Variants in MAP3K1 observed in about 807,000 individuals in gnomAD.
MAP3K1 encodes MAP/ERK kinase kinase 1.
A neutral mutation model predicts 144.2 loss-of-function variants in MAP3K1; 36 were observed. That is an observed-to-expected ratio of 0.25 (90% CI 0.19 to 0.33). MAP3K1 has a LOEUF of 0.33. Ranked by LOEUF, MAP3K1 falls within the 10% of genes least tolerant of loss-of-function variation. The pLI, the probability that MAP3K1 is intolerant of heterozygous loss-of-function variation, is 1.00. For synonymous variants in MAP3K1, 718 were observed against 688.7 expected (o/e 1.04, Z -0.67); for missense variants, 1,650 against 1,881.9 (o/e 0.88, Z 2.28).
intron 1 of MAP3K1, among the ~76,000 whole-genome samples, chr5:56,828,548 G>A (rs1358496878): frequency 6.6e-6 from 1 of 152,108 alleles, no homozygotes; most frequent in African/African-American, 2.4e-5. Flanking sequence ...TTAGAAAAAA[G>A]AAATCATGTT....
chr5:56,835,476 A>G (rs1746625047), intron 1 of MAP3K1, among the ~76,000 whole-genome samples: 1 of 151,862 alleles, frequency 6.6e-6, no homozygotes, highest in African/African-American at 2.4e-5. Context: ...GAAGGTAGGA[A>G]GAGGACTTTT....
intron 1 of MAP3K1, among the ~76,000 whole-genome samples, chr5:56,834,205 A>T (rs1313792143): frequency 6.6e-6 from 1 of 152,186 alleles, no homozygotes; most frequent in African/African-American, 2.4e-5. Context: ...AAACACTGTC[A>T]CTTTAGCTCA....
At chr5:56,850,066 T>C (rs1195881166) in intron 1 of MAP3K1, among the ~76,000 whole-genome samples, 5 of 152,214 alleles carry the variant, frequency 3.3e-5, no homozygotes, top group Admixed American at 3.3e-4. Context: ...TCTGTTTCAT[T>C]ATGCTCTCCC....
chr5:56,874,373 G>A (rs965521488), intron 9 of MAP3K1, among the ~76,000 whole-genome samples: 4 of 152,094 alleles, frequency 2.6e-5, no homozygotes, highest in Admixed American at 1.3e-4. Flanking sequence ...TGGTATTGAC[G>A]ACGATAACAG....
chr5:56,895,586 A>C lies in MAP3K1; in HGVS notation c.*1906A>C, dbSNP rs1487372851. The C allele has an allele frequency of 1.7e-5, 4 of 232,300 alleles. No homozygotes were observed. Among genetic ancestry groups the C allele is most frequent in the Non-Finnish European group, 3.4e-5 (4 of 117,524 alleles). The allele number at this position is 232,300 out of a possible 1,614,324, so 14.4% of individuals were successfully genotyped here. Reference sequence around the variant, plus strand: ...TAGATCACCATGCCCACCACATTTCAAACTCAAACTATCTGTAGATTTCAA... The same window carrying C: ...TAGATCACCATGCCCACCACATTTCCAACTCAAACTATCTGTAGATTTCAA... On this transcript the variant is annotated 3_prime_UTR_variant, in exon 20 of 20. Transcript: ENST00000399503.
At chr5:56,818,935 A>G (rs1746068660) in intron 1 of MAP3K1, among the ~76,000 whole-genome samples, 1 of 152,166 alleles carries the variant, frequency 6.6e-6, no homozygotes, top group Non-Finnish European at 1.5e-5. Flanking sequence ...TGATTTAGTG[A>G]CCTTTTACTA....
chr5:56,830,572 A>G (rs1746455564), intron 1 of MAP3K1, among the ~76,000 whole-genome samples: 1 of 152,182 alleles, frequency 6.6e-6, no homozygotes, highest in African/African-American at 2.4e-5. Context: ...GTGCTGGTAC[A>G]CACACATTTT....
intron 1 of MAP3K1, among the ~76,000 whole-genome samples, chr5:56,828,342 G>C (rs923803724): frequency 6.6e-6 from 1 of 152,096 alleles, no homozygotes. Context: ...GAAAAGAAAA[G>C]GTTGGTTTAC....
chr5:56,883,630 G>C lies in MAP3K1; in HGVS notation c.3770G>C (p.Cys1257Ser). Residue 1257 changes from cysteine to serine, a missense_variant, in exon 15 of 20, where the codon TGT (cysteine) becomes TCT (serine). Cys to Ser is a moderately radical substitution (Grantham distance 112, BLOSUM62 -1). Transcript: ENST00000399503. Reference sequence around the variant, plus strand: ...ATAGGCCTTGGAGCATTTTCTTCTTGTTATCAGGCTCAAGATGTGGGAACT... The same window carrying C: ...ATAGGCCTTGGAGCATTTTCTTCTTCTTATCAGGCTCAAGATGTGGGAACT... ...QQIGLGAFSS[C>S]YQAQDVGTGT... 6.2e-7 allele frequency: 1 copy of C among 1,614,060 alleles called. No homozygotes were observed. Among genetic ancestry groups the C allele is most frequent in the Non-Finnish European group, 8.5e-7 (1 of 1,179,992 alleles).
In MAP3K1 at chr5:56,865,960, G is replaced by C; in HGVS notation, c.1284G>C (p.Thr428=). The part of the protein sequence containing the change: ...SHTLSSSSTS[T]SSSENSIKDE... The stretch of plus-strand genomic sequence containing the variant: ...CATTGTCATCATCTAGTACTTCTAC[G>C]TCTAGTTCAGAAAACAGGTTAGTAC... Residue 428 remains threonine, a synonymous_variant, in exon 6 of 20, where the codon ACG becomes ACC. Coordinates refer to ENST00000399503, the MANE Select transcript of MAP3K1 (RefSeq NM_005921.2). The C allele has an allele frequency of 6.2e-7, 1 of 1,610,786 alleles. No individual in the cohort carries two copies.
chr5:56,843,868 C>T (rs939465241), intron 1 of MAP3K1, among the ~76,000 whole-genome samples: 10 of 152,140 alleles, frequency 6.6e-5, no homozygotes, highest in Non-Finnish European at 1.2e-4. Context: ...AGTTTTTTCT[C>T]TGCAATTTTC....
chr5:56,871,122 T>C (rs1747836940), intron 6 of MAP3K1, among the ~76,000 whole-genome samples: 1 of 152,192 alleles, frequency 6.6e-6, no homozygotes, highest in Non-Finnish European at 1.5e-5. Context: ...GTATATGCAA[T>C]ATAATTAACC....
At chr5:56,820,039 T>C (rs1018112974) in intron 1 of MAP3K1, among the ~76,000 whole-genome samples, 6 of 152,192 alleles carry the variant, frequency 3.9e-5, no homozygotes, top group African/African-American at 1.4e-4. Context: ...AAAAATATAT[T>C]AGGATTTTAT....
intron 1 of MAP3K1, among the ~76,000 whole-genome samples, chr5:56,832,793 G>T (rs1746534849): frequency 6.6e-6 from 1 of 152,182 alleles, no homozygotes; most frequent in African/African-American, 2.4e-5. Flanking sequence ...CATATGTAGT[G>T]ATGACTTTTT....
At chr5:56,834,890 G>A (rs1190661287) in intron 1 of MAP3K1, among the ~76,000 whole-genome samples, 1 of 151,932 alleles carries the variant, frequency 6.6e-6, no homozygotes, top group Non-Finnish European at 1.5e-5. Context: ...TATAAAATAA[G>A]ATACTTAATT....
intron 2 of MAP3K1, among the ~76,000 whole-genome samples, chr5:56,857,323 C>T (rs1171903235): frequency 6.6e-6 from 1 of 151,950 alleles, no homozygotes; most frequent in African/African-American, 2.4e-5. Flanking sequence ...GAAAGAAAAT[C>T]TAGAGTCCTA....
chr5:56,881,572 A>G lies in MAP3K1; in HGVS notation c.2372A>G (p.Tyr791Cys). Residue 791 changes from tyrosine (Y) to cysteine (C), a missense_variant and splice_region_variant, in exon 14 of 20, where the codon TAT (tyrosine) becomes TGT (cysteine). By Grantham distance (194) the Tyr-to-Cys change is radical. Transcript: ENST00000399503. ...VSQAEPVEIR[Y>C]KKLLSLLTFA... is the part of the protein sequence containing the mutation. ...TAATGAATGTTTTTTTCTTTCAGGT[A>G]TAAGAAGCTGCTGTCCCTCTTAACC... 6.2e-7 allele frequency: 1 copy of G among 1,608,890 alleles called. No individual in the cohort carries two copies. Among genetic ancestry groups the G allele is most frequent in the Non-Finnish European group, 8.5e-7 (1 of 1,175,668 alleles).
intron 3 of MAP3K1, 98 bp downstream of exon 3, chr5:56,860,013 T>TTC: frequency 9.0e-7 from 1 of 1,108,550 alleles, no homozygotes; most frequent in Non-Finnish European, 1.3e-6. Context: ...AACATCAGTT[T>TTC]TCAAAATATG....
At chr5:56,853,315 A>T (rs1447183825) in intron 1 of MAP3K1, among the ~76,000 whole-genome samples, 2 of 152,210 alleles carry the variant, frequency 1.3e-5, no homozygotes, top group African/African-American at 4.8e-5. Context: ...ATATTTGCAG[A>T]TTAATTTAGG....
Sources: allele counts gnomAD v4.1 joint callset (sites outside exome capture counted in the v4.1 genomes callset), GRCh38; gene constraint gnomAD v4.1.1; transcripts MANE v1.5; gene names NCBI Gene and HGNC (gene_info 2026-07-23, HGNC 2026-07-21).